OCA2: variants seen among roughly 807,000 people sequenced by gnomAD.
OCA2 encodes the protein P protein.
In OCA2, 77 loss-of-function variants were observed where a neutral mutation model predicts 100.2. That is an observed-to-expected ratio of 0.77 (90% CI 0.64 to 0.93). OCA2 has a LOEUF of 0.93. Ranked by LOEUF, OCA2 falls within the 40% of genes least tolerant of loss-of-function variation. The pLI is 0.00. For synonymous variants in OCA2, 432 were observed against 439.2 expected, an observed-to-expected ratio of 0.98 and a Z score of 0.21; for missense variants, 1,062 against 1,089.1, an observed-to-expected ratio of 0.98 and a Z score of 0.35.
rs568132575 is a variant in OCA2, at chr15:27,873,830, A to G, written c.2080-1908T>C. On this transcript the variant is annotated intron_variant, in intron 19 of 23. Coordinates refer to ENST00000354638, the MANE Select transcript of OCA2 (RefSeq NM_000275.3). The stretch of plus-strand genomic sequence containing the variant: ...ATACAAATACACTCTTTTACAAAAT[A>G]AAGTAATTATCTAGCACATCCCTAT... Among the ~76,000 whole-genome samples, 5 of 152,380 alleles carry G rather than the reference A, an allele frequency of 3.3e-5. No individual in the cohort carries two copies. In the South Asian group the frequency reaches 1.0e-3, roughly 32 times the overall value.
chr15:27,842,485 A>G (rs892946896), intron 23 of OCA2, among the ~76,000 whole-genome samples: 3 of 152,230 alleles, frequency 2.0e-5, no homozygotes, highest in African/African-American at 7.2e-5. Context: ...ATAAAAGTCA[A>G]ATCAGTGCAT....
chr15:27,989,721 G>A (rs776151191), intron 10 of OCA2, 55 bp from the exon 11 acceptor site: 25 of 1,529,094 alleles, frequency 1.6e-5, no homozygotes, highest in Non-Finnish European at 2.2e-5. Flanking sequence ...TCCCAGTGAT[G>A]AGCCTAATGA....
At chr15:27,767,778 A>G (rs1055171003) in intron 23 of OCA2, among the ~76,000 whole-genome samples, 1 of 152,168 alleles carries the variant, frequency 6.6e-6, no homozygotes, top group Non-Finnish European at 1.5e-5. Flanking sequence ...CAAATAAGCA[A>G]ATAAAAGCTG....
chr15:28,039,924 C>T (rs376748294), intron 2 of OCA2, among the ~76,000 whole-genome samples: 194 of 151,694 alleles, frequency 1.3e-3, no homozygotes, highest in African/African-American at 4.3e-3. Context: ...CCCAGCTACT[C>T]GGGAGGCTGA....
chr15:28,006,595 A>G (rs146594988), intron 9 of OCA2, among the ~76,000 whole-genome samples: 5 of 152,306 alleles, frequency 3.3e-5, no homozygotes, highest in African/African-American at 1.2e-4. Flanking sequence ...GAGGGAGTGT[A>G]TTACATAATC....
chr15:27,841,026 C>A (rs1289437666), intron 23 of OCA2, among the ~76,000 whole-genome samples: 1 of 152,212 alleles, frequency 6.6e-6, no homozygotes, highest in Non-Finnish European at 1.5e-5. Flanking sequence ...AATGTCCTAT[C>A]TGCTTTATTC....
chr15:27,844,833 C>G (rs2035472550), intron 23 of OCA2, 126 bp downstream of exon 23: 1 of 761,290 alleles, frequency 1.3e-6, no homozygotes, highest in South Asian at 1.5e-5. Context: ...CTAATCTCCC[C>G]TACACCACAG....
At chr15:27,880,894 T>G (rs188841828) in intron 19 of OCA2, among the ~76,000 whole-genome samples, 8 of 152,302 alleles carry the variant, frequency 5.3e-5, no homozygotes, top group Admixed American at 2.6e-4. Flanking sequence ...AATACTATGT[T>G]GAATAGGAGT....
chr15:27,913,545 G>T (rs560261983), intron 19 of OCA2, among the ~76,000 whole-genome samples: 3 of 151,868 alleles, frequency 2.0e-5, no homozygotes, highest in African/African-American at 7.2e-5. Flanking sequence ...CATATATGTT[G>T]GTTCTGTCTA....
intron 23 of OCA2, among the ~76,000 whole-genome samples, chr15:27,807,981 C>T (rs921873468): frequency 1.3e-5 from 2 of 152,206 alleles, no homozygotes; most frequent in South Asian, 2.1e-4. Flanking sequence ...CGACTTCACA[C>T]GTGCCTGTGT....
intron 4 of OCA2, among the ~76,000 whole-genome samples, chr15:28,027,122 G>T (rs547083914): frequency 6.6e-6 from 1 of 152,218 alleles, no homozygotes; most frequent in Non-Finnish European, 1.5e-5. Flanking sequence ...ATGAACGGGC[G>T]CATGGGAGGA....
chr15:27,951,174 C>G (rs1011054476), intron 18 of OCA2, among the ~76,000 whole-genome samples: 7 of 152,152 alleles, frequency 4.6e-5, no homozygotes, highest in African/African-American at 1.7e-4. Flanking sequence ...CTGAGAGAGC[C>G]ACATCTCAGG....
intron 1 of OCA2, among the ~76,000 whole-genome samples, chr15:28,092,416 T>A (rs913723183): frequency 2.0e-5 from 3 of 152,264 alleles, no homozygotes; most frequent in Non-Finnish European, 4.4e-5. Context: ...AGTGCAGTGG[T>A]GCAATCACGC....
the OCA2 span, among the ~76,000 whole-genome samples, chr15:27,738,542 T>C: frequency 0.55 from 83,808 of 151,870 alleles, 24,205 homozygotes; most frequent in African/African-American, 0.71. Flanking sequence ...GAGACCATCC[T>C]GGCTAACACG....
chr15:27,719,899 TCTC>T, the OCA2 span, among the ~76,000 whole-genome samples: 1 of 152,118 alleles, frequency 6.6e-6, no homozygotes, highest in African/African-American at 2.4e-5. Context: ...TGTCTCTCTT[TCTC>T]CTCCTATAAA....
At chr15:27,984,151 A>G (rs1029535560) in intron 13 of OCA2, among the ~76,000 whole-genome samples, 11 of 151,934 alleles carry the variant, frequency 7.2e-5, no homozygotes, top group African/African-American at 2.4e-4. Flanking sequence ...GGAGTGTACA[A>G]TCAATTCATG....
At chr15:27,905,409 C>G (rs909457615) in intron 19 of OCA2, among the ~76,000 whole-genome samples, 1 of 152,208 alleles carries the variant, frequency 6.6e-6, no homozygotes, top group Admixed American at 6.5e-5. Flanking sequence ...TCACTGCTGT[C>G]CCAGCAACAA....
chr15:27,913,885 AAG>A lies in OCA2; in HGVS notation c.2079+12240_2079+12241del, dbSNP rs1481040582. ...AAAGAAAGAAAGAAAGAAAGAAAGA[AAG>A]AAAGAAAGCAAGCAAGCAAGCAAGC... On this transcript the variant is annotated intron_variant, in intron 19 of 23. Transcript: ENST00000354638. Among the ~76,000 whole-genome samples the A allele has an allele frequency of 1.6e-3, 87 of 55,138 alleles. 1 individual carries two copies. The highest frequency in any genetic ancestry group is 5.4e-3 in the Admixed American group (25 of 4,596). 36.2% of individuals were successfully genotyped at this position (55,138 alleles called of 152,430 possible).
At chr15:28,032,391 AGGAGACCAAATACTAT>A (rs1486109616) in intron 2 of OCA2, among the ~76,000 whole-genome samples, 4 of 152,228 alleles carry the variant, frequency 2.6e-5, no homozygotes, top group Non-Finnish European at 5.9e-5. Context: ...AAACTCGCAC[AGGAGACCAAATACTAT>A]GGGATGACAC....
Sources: allele counts gnomAD v4.1 joint callset (sites outside exome capture counted in the v4.1 genomes callset), GRCh38; gene constraint gnomAD v4.1.1; transcripts MANE v1.5; gene names NCBI Gene and HGNC (gene_info 2026-07-23, HGNC 2026-07-21).